The following MAPK6 variants were observed in gnomAD, a reference collection of about 807,000 sequenced individuals.
MAPK6 encodes ERK-3.
Under a neutral mutation model 59.3 loss-of-function variants are expected in MAPK6, and 19 were observed. The ratio of observed to expected loss-of-function variants is 0.32; its 90% confidence interval spans 0.22 to 0.47. The LOEUF (loss-of-function observed/expected upper bound fraction) is 0.47. Ranked by LOEUF, MAPK6 falls within the 20% of genes least tolerant of loss-of-function variation. The pLI is 1.00. For missense variants in MAPK6, 724 were observed against 847.9 expected, an observed-to-expected ratio of 0.85 and a Z score of 1.81; for synonymous variants, 316 against 290.3, an observed-to-expected ratio of 1.09 and a Z score of -0.90.
At chr15:51,971,834 A>G in exon 1 of MAPK6, 1 of 1,395,490 alleles carries the variant, frequency 7.2e-7, no homozygotes, top group Non-Finnish European at 1.0e-6. Flanking sequence ...CAGTGTCGCA[A>G]AGATTCGCCG....
At position 52,012,854 on chromosome 15, in the gene MAPK6, G is replaced by A. The variant is rs570532574; in HGVS notation, c.-632+8452G>A. ...ATACAAAAATTAGCCGGGCGTGGTGGTGGGTGCCTGTAGTCCCAGCTACTC... is the reference window on the plus strand; with the variant it reads ...ATACAAAAATTAGCCGGGCGTGGTGATGGGTGCCTGTAGTCCCAGCTACTC... On this transcript the variant is annotated intron_variant, in intron 3 of 7. Coordinates refer to the MAPK6 transcript ENST00000691380. 7.5e-4 allele frequency among the ~76,000 whole-genome samples: 114 copies of A among 151,284 alleles called. 1 individual carries two copies. The highest frequency in any genetic ancestry group is 1.3e-3 in the Non-Finnish European group (89 of 67,790).
intron 5 of MAPK6, 116 bp downstream of exon 5, chr15:52,061,616 T>C (rs2032203284): frequency 2.5e-6 from 2 of 812,244 alleles, no homozygotes; most frequent in African/African-American, 1.7e-5. Context: ...AATTTAGTAA[T>C]GTAAAGATAC....
intron 5 of MAPK6, among the ~76,000 whole-genome samples, chr15:52,063,071 G>A (rs2032268174): frequency 6.6e-6 from 1 of 151,990 alleles, no homozygotes; most frequent in Non-Finnish European, 1.5e-5. Context: ...CCTAAATAAT[G>A]GTTCTTTTCT....
chr15:52,016,070 G>GCACACACACACACACACACACA (rs1175427042), upstream of MAPK6, among the ~76,000 whole-genome samples: 9 of 55,438 alleles, frequency 1.6e-4, no homozygotes, highest in African/African-American at 2.1e-4. Context: ...GCGCGCGCGC[G>GCACACACACACACACACACACA]CACACACACA....
intron 2 of MAPK6, among the ~76,000 whole-genome samples, chr15:51,997,923 C>CTCTTTCTTTCTTTCTT (rs201219333): frequency 1.5e-5 from 2 of 131,182 alleles, no homozygotes; most frequent in African/African-American, 7.8e-5. Flanking sequence ...TTCTTTCTTT[C>CTCTTTCTTTCTTTCTT]TCTTTCTTTC....
chr15:52,044,100 T>A (rs930835020), intron 1 of MAPK6, among the ~76,000 whole-genome samples: 58 of 152,060 alleles, frequency 3.8e-4, no homozygotes, highest in African/African-American at 1.3e-3. Context: ...ATTCAAAAGT[T>A]TATTCACAAA....
At chr15:51,980,175 A>G (rs1382568638) in intron 1 of MAPK6, among the ~76,000 whole-genome samples, 2 of 150,736 alleles carry the variant, frequency 1.3e-5, no homozygotes, top group Admixed American at 6.6e-5. Flanking sequence ...GGCACCTGTA[A>G]TCCCAGCTAC....
chr15:51,991,750 TA>T (rs2057209498), intron 2 of MAPK6, among the ~76,000 whole-genome samples: 1 of 152,224 alleles, frequency 6.6e-6, no homozygotes, highest in African/African-American at 2.4e-5. Flanking sequence ...GAACGATATG[TA>T]GGTCAAAGGA....
intron 4 of MAPK6, 31 bp from the exon 5 acceptor site, chr15:52,061,268 T>C: frequency 1.9e-6 from 3 of 1,545,744 alleles, no homozygotes; most frequent in Non-Finnish European, 2.7e-6. Context: ...AGCAATTCTT[T>C]TCTGAAAAAC....
At chr15:52,025,041 C>A (rs901497587) in intron 1 of MAPK6, among the ~76,000 whole-genome samples, 1 of 152,010 alleles carries the variant, frequency 6.6e-6, no homozygotes, top group Non-Finnish European at 1.5e-5. Context: ...CTAAACGATG[C>A]ATACACCTGG....
rs1026182132 is a variant in MAPK6 at position 52,046,165 on chromosome 15, C to G, written c.-296C>G. The G allele has an allele frequency of 3.5e-6, 1 of 281,778 alleles. No homozygotes were observed. Among genetic ancestry groups the G allele is most frequent in the African/African-American group, 2.2e-5 (1 of 44,644 alleles). The allele number at this position is 281,778 out of a possible 1,614,324, so 17.5% of individuals were successfully genotyped here. ...TGAGTGCACAGTATGTCATTTCATT[C>G]CGTTTGAGTTTCTTGTTTTCGTTAA... On this transcript the variant is annotated 5_prime_UTR_variant, in exon 2 of 6. Coordinates refer to ENST00000261845, the MANE Select transcript of MAPK6 (RefSeq NM_002748.4).
chr15:51,992,542 G>A (rs1381822507), intron 2 of MAPK6, among the ~76,000 whole-genome samples: 5 of 151,684 alleles, frequency 3.3e-5, no homozygotes, highest in East Asian at 1.9e-4. Context: ...CTGACCTTGC[G>A]ATCCACCCAC....
chr15:52,001,292 T>C (rs1174227239), intron 2 of MAPK6, among the ~76,000 whole-genome samples: 1 of 152,092 alleles, frequency 6.6e-6, no homozygotes, highest in Non-Finnish European at 1.5e-5. Context: ...GAAAAAAAGT[T>C]TCTGTTCTTT....
At chr15:51,981,597 T>A (rs1354539040) in intron 1 of MAPK6, among the ~76,000 whole-genome samples, 1 of 152,208 alleles carries the variant, frequency 6.6e-6, no homozygotes, top group Non-Finnish European at 1.5e-5. Context: ...TTTTGGAACC[T>A]TTTAAATATA....
intron 2 of MAPK6, among the ~76,000 whole-genome samples, chr15:51,991,298 T>G (rs1234529887): frequency 2.0e-5 from 3 of 152,080 alleles, no homozygotes; most frequent in African/African-American, 7.2e-5. Flanking sequence ...TATCTCTTGG[T>G]ACTAATATAA....
At chr15:52,002,140 G>T (rs2057243848) in intron 2 of MAPK6, among the ~76,000 whole-genome samples, 1 of 152,110 alleles carries the variant, frequency 6.6e-6, no homozygotes, top group South Asian at 2.1e-4. Flanking sequence ...TACTCTCTCG[G>T]CCTTTTGGTT....
At chr15:51,984,518 T>C (rs1050386941) in intron 2 of MAPK6, among the ~76,000 whole-genome samples, 7 of 142,432 alleles carry the variant, frequency 4.9e-5, no homozygotes, top group African/African-American at 1.8e-4. Flanking sequence ...TTAGCCAGGA[T>C]GGTCTTGATC....
chr15:52,034,673 C>T (rs1299477133), intron 1 of MAPK6, among the ~76,000 whole-genome samples: 1 of 151,850 alleles, frequency 6.6e-6, no homozygotes, highest in African/African-American at 2.4e-5. Context: ...AACAATTTCA[C>T]TCTGTGCGTA....
At chr15:52,021,664 A>G (rs2030534439) in intron 1 of MAPK6, 1 of 152,132 alleles carries the variant, frequency 6.6e-6, no homozygotes, top group African/African-American at 2.4e-5. Flanking sequence ...TTTATAAAGG[A>G]CAGATAGTAC....
Sources: allele counts gnomAD v4.1 joint callset (sites outside exome capture counted in the v4.1 genomes callset), GRCh38; gene constraint gnomAD v4.1.1; transcripts MANE v1.5; gene names NCBI Gene and HGNC (gene_info 2026-07-23, HGNC 2026-07-21).